The following REDIC1 variants were observed in gnomAD, a reference collection of about 807,000 sequenced individuals.
The protein encoded by REDIC1 is regulator of DNA class I crossover intermediates 1, also known as HEI10 Interacting Protein 1.
chr12:39,783,258 T>A, the REDIC1 span, among the ~76,000 whole-genome samples: 1 of 152,246 alleles, frequency 6.6e-6, no homozygotes, highest in Non-Finnish European at 1.5e-5. Flanking sequence ...ATTTTCTTAA[T>A]TCACTCTATC....
chr12:39,735,381 A>T, the REDIC1 span, among the ~76,000 whole-genome samples: 1 of 152,250 alleles, frequency 6.6e-6, no homozygotes, highest in African/African-American at 2.4e-5. Flanking sequence ...ACACTATCAT[A>T]TGAAGTAACG....
At chr12:39,694,759 C>G in the REDIC1 span, among the ~76,000 whole-genome samples, 3 of 152,124 alleles carry the variant, frequency 2.0e-5, no homozygotes, top group Non-Finnish European at 4.4e-5. Context: ...TATTGAGACA[C>G]CAGCTGGGGC....
the REDIC1 span, chr12:39,683,530 T>G: frequency 7.2e-7 from 1 of 1,381,390 alleles, no homozygotes. Flanking sequence ...GGATCTAGTA[T>G]GATGCATGAT....
the REDIC1 span, among the ~76,000 whole-genome samples, chr12:39,822,066 C>A: frequency 8.8e-6 from 1 of 113,248 alleles, no homozygotes; most frequent in Non-Finnish European, 1.8e-5. Context: ...CTATCCCTCC[C>A]CCCTCCCCCC....
the REDIC1 span, among the ~76,000 whole-genome samples, chr12:39,685,213 T>G: frequency 6.6e-6 from 1 of 152,224 alleles, no homozygotes; most frequent in Non-Finnish European, 1.5e-5. Flanking sequence ...AGTTGATTCT[T>G]GCATTGCTAT....
the REDIC1 span, among the ~76,000 whole-genome samples, chr12:39,699,516 G>T: frequency 1.3e-5 from 2 of 152,228 alleles, no homozygotes; most frequent in Non-Finnish European, 2.9e-5. Context: ...CGGCAGCAAG[G>T]CTGGGGGAGG....
the REDIC1 span, among the ~76,000 whole-genome samples, chr12:39,834,512 T>C: frequency 6.6e-6 from 1 of 152,106 alleles, no homozygotes; most frequent in Non-Finnish European, 1.5e-5. Flanking sequence ...CTCCATAGTG[T>C]ATGTGCAGGC....
chr12:39,683,568 A>G, the REDIC1 span: 1 of 1,136,196 alleles, frequency 8.8e-7, no homozygotes, highest in Non-Finnish European at 1.3e-6. Flanking sequence ...AAAGTGAGGT[A>G]GGCGTATTGC....
the REDIC1 span, among the ~76,000 whole-genome samples, chr12:39,776,992 C>T: frequency 6.6e-6 from 1 of 152,042 alleles, no homozygotes; most frequent in African/African-American, 2.4e-5. Flanking sequence ...ATGGCTTTTC[C>T]CCATATAGTT....
chr12:39,764,470 A>G, the REDIC1 span: 2 of 1,585,130 alleles, frequency 1.3e-6, no homozygotes, highest in Non-Finnish European at 1.7e-6. Flanking sequence ...CATAGTATGT[A>G]AGATACTCTG....
At chr12:39,864,070 C>T in the REDIC1 span, among the ~76,000 whole-genome samples, 4 of 152,322 alleles carry the variant, frequency 2.6e-5, no homozygotes, top group East Asian at 5.8e-4. Context: ...AACTTTGAAG[C>T]TCTGCTGCCA....
At chr12:39,681,727 A>G in the REDIC1 span, among the ~76,000 whole-genome samples, 1 of 152,202 alleles carries the variant, frequency 6.6e-6, no homozygotes, top group Non-Finnish European at 1.5e-5. Flanking sequence ...TTTAACAACA[A>G]GCTGAGCTCT....
At chr12:39,761,800 ACTAGGCT>A in the REDIC1 span, among the ~76,000 whole-genome samples, 1 of 152,104 alleles carries the variant, frequency 6.6e-6, no homozygotes, top group Admixed American at 6.6e-5. Context: ...TTTAGATTAA[ACTAGGCT>A]TCTAAACTAC....
the REDIC1 span, chr12:39,757,989 T>G: frequency 2.0e-4 from 30 of 151,984 alleles, no homozygotes; most frequent in Admixed American, 1.9e-3. Flanking sequence ...TATAGTAGCT[T>G]ATTTTTCACT....
chr12:39,712,854 T>C, the REDIC1 span, among the ~76,000 whole-genome samples: 2 of 69,146 alleles, frequency 2.9e-5, no homozygotes, highest in Admixed American at 3.2e-4. Context: ...TATATACACA[T>C]ATGTATATAC....
At chr12:39,772,220 A>G in the REDIC1 span, among the ~76,000 whole-genome samples, 1 of 152,142 alleles carries the variant, frequency 6.6e-6, no homozygotes, top group Admixed American at 6.5e-5. Context: ...AGACTGCATG[A>G]GTTTGTATCT....
chr12:39,765,656 G>T, the REDIC1 span, among the ~76,000 whole-genome samples: 1 of 152,010 alleles, frequency 6.6e-6, no homozygotes, highest in Non-Finnish European at 1.5e-5. Context: ...TGATTTGGGT[G>T]CCTGCTCAGT....
the REDIC1 span, among the ~76,000 whole-genome samples, chr12:39,794,623 A>G: frequency 3.0e-4 from 45 of 152,272 alleles, no homozygotes; most frequent in African/African-American, 1.0e-3. Flanking sequence ...TAACCAATCC[A>G]GCTGTTTTTG....
At chr12:39,740,091 C>T in the REDIC1 span, among the ~76,000 whole-genome samples, 3 of 152,176 alleles carry the variant, frequency 2.0e-5, no homozygotes, top group Non-Finnish European at 4.4e-5. Context: ...CAAGAGCAAC[C>T]AACATGGGAT....
Sources: gnomAD v4.1 joint callset for allele counts (sites outside exome capture counted in the v4.1 genomes callset) on GRCh38, gnomAD v4.1.1 for gene constraint, MANE v1.5 for transcripts, NCBI Gene and HGNC (gene_info 2026-07-23, HGNC 2026-07-21) for gene names.